Variants in DNAH3 observed in about 807,000 individuals in gnomAD.
The protein encoded by DNAH3 is axonemal beta dynein heavy chain 3.
DNAH3 carries 332 observed loss-of-function variants against 432.5 expected under a neutral mutation model. That is an observed-to-expected ratio of 0.77 (90% CI 0.70 to 0.84). DNAH3 has a LOEUF of 0.84. Among genes scored for constraint, DNAH3 ranks in the 40% least tolerant of loss-of-function variants. The pLI, the probability that DNAH3 is intolerant of heterozygous loss-of-function variation, is 0.00. For missense variants in DNAH3, 4,861 were observed against 5,114.0 expected, an observed-to-expected ratio of 0.95 and a Z score of 1.51; for synonymous variants, 1,956 against 1,900.2, an observed-to-expected ratio of 1.03 and a Z score of -0.76.
chr16:21,134,100 G>T, intron 7 of DNAH3, 159 bp downstream of exon 8: 1 of 666,282 alleles, frequency 1.5e-6, no homozygotes, highest in Non-Finnish European at 2.5e-6. Flanking sequence ...GCAAGGAAAG[G>T]TGTCACTTAT....
chr16:21,092,738 A>T (rs1247418162), intron 18 of DNAH3, among the ~76,000 whole-genome samples: 1 of 146,090 alleles, frequency 6.8e-6, no homozygotes, highest in Non-Finnish European at 1.5e-5. Context: ...CTGATAAATG[A>T]CTATTATCTA....
At chr16:21,131,504 A>AGAGAAGGAAG (rs1567846329) in intron 7 of DNAH3, among the ~76,000 whole-genome samples, 1 of 139,180 alleles carries the variant, frequency 7.2e-6, no homozygotes, top group African/African-American at 2.8e-5. Flanking sequence ...GAGATGAGAG[A>AGAGAAGGAAG]GAAGGAAGGA....
intron 19 of DNAH3, among the ~76,000 whole-genome samples, chr16:21,086,224 T>C (rs1203556204): frequency 6.6e-6 from 1 of 152,226 alleles, no homozygotes. Context: ...CACAGTGAGT[T>C]TTCTTTTTTC....
At chr16:21,151,772 T>G (rs2092855428) in intron 1 of DNAH3, among the ~76,000 whole-genome samples, 1 of 152,196 alleles carries the variant, frequency 6.6e-6, no homozygotes, top group South Asian at 2.1e-4. Flanking sequence ...CAATATTAGC[T>G]GCCGCCCGAA....
At chr16:21,077,887 G>T (rs545251067) in intron 20 of DNAH3, among the ~76,000 whole-genome samples, 7 of 152,170 alleles carry the variant, frequency 4.6e-5, no homozygotes, top group African/African-American at 1.7e-4. Context: ...CCTGGAACTG[G>T]GTATTGACAC....
chr16:21,024,320 T>C (rs750785860), intron 39 of DNAH3, among the ~76,000 whole-genome samples: 3 of 152,000 alleles, frequency 2.0e-5, no homozygotes, highest in Non-Finnish European at 4.4e-5. Flanking sequence ...CAGAGAACAT[T>C]CCTCAGCACT....
chr16:21,111,401 C>T (rs977106274), intron 14 of DNAH3, among the ~76,000 whole-genome samples: 1 of 152,154 alleles, frequency 6.6e-6, no homozygotes, highest in Admixed American at 6.5e-5. Flanking sequence ...AGACAAACTG[C>T]TAACAAATGC....
chr16:20,957,100 C>T (rs1252446301), intron 54 of DNAH3, among the ~76,000 whole-genome samples: 2 of 152,200 alleles, frequency 1.3e-5, no homozygotes, highest in Non-Finnish European at 2.9e-5. Context: ...GACAAATCAA[C>T]TGTGGCCTAA....
exon 14 of DNAH3, chr16:21,111,667 C>T: frequency 6.2e-7 from 1 of 1,613,820 alleles, no homozygotes; most frequent in Middle Eastern, 1.7e-4. Flanking sequence ...GGAATTGAAT[C>T]AGATGGTCTT....
chr16:21,124,938 T>C (rs2092416959), intron 9 of DNAH3, among the ~76,000 whole-genome samples: 1 of 151,682 alleles, frequency 6.6e-6, no homozygotes, highest in Admixed American at 6.6e-5. Flanking sequence ...ACGTGGCCTG[T>C]AATGCACCCG....
chr16:21,132,166 C>T (rs555932196), intron 7 of DNAH3, among the ~76,000 whole-genome samples: 4 of 152,210 alleles, frequency 2.6e-5, no homozygotes, highest in Non-Finnish European at 5.9e-5. Flanking sequence ...TGACTTCACC[C>T]CCTCAATTCC....
At chr16:21,077,303 C>T (rs1386053480) in intron 20 of DNAH3, among the ~76,000 whole-genome samples, 1 of 152,066 alleles carries the variant, frequency 6.6e-6, no homozygotes, top group Non-Finnish European at 1.5e-5. Context: ...GCTGGGATTA[C>T]AGGTGCCCTC....
intron 44 of DNAH3, among the ~76,000 whole-genome samples, chr16:20,989,038 T>C (rs1008355505): frequency 1.3e-5 from 2 of 152,060 alleles, no homozygotes; most frequent in Non-Finnish European, 2.9e-5. Context: ...ACCCACAGAG[T>C]GAGCACCAGT....
At chr16:21,083,750 T>C (rs1474171126) in intron 19 of DNAH3, among the ~76,000 whole-genome samples, 1 of 152,080 alleles carries the variant, frequency 6.6e-6, no homozygotes, top group Non-Finnish European at 1.5e-5. Context: ...TCTCCTAAGT[T>C]AGGCATCAGG....
chr16:21,051,954 A>G, intron 28 of DNAH3, 86 bp from the exon 29 acceptor site: 1 of 1,080,894 alleles, frequency 9.3e-7, no homozygotes, highest in Non-Finnish European at 1.4e-6. Flanking sequence ...AGTGGATGTT[A>G]TCAAGGTCCC....
At chr16:21,089,265 A>G (rs1597354492) in intron 18 of DNAH3, among the ~76,000 whole-genome samples, 1 of 152,260 alleles carries the variant, frequency 6.6e-6, no homozygotes, top group South Asian at 2.1e-4. Context: ...TGGAAGCGAC[A>G]CTCACTAGGA....
chr16:21,075,485 C>G, exon 21 of DNAH3: 1 of 1,614,084 alleles, frequency 6.2e-7, no homozygotes, highest in Non-Finnish European at 8.5e-7. Flanking sequence ...GTCACGTTAA[C>G]CCAATCCAAC....
intron 11 of DNAH3, 30 bp from the exon 12 acceptor site, chr16:21,117,369 G>A (rs2152808694): frequency 7.8e-7 from 1 of 1,285,912 alleles, no homozygotes; most frequent in Non-Finnish European, 1.1e-6. Flanking sequence ...TTTGCATGTT[G>A]CAAGACTTAA....
At chr16:20,998,736 C>T (rs1322306106) in intron 43 of DNAH3, among the ~76,000 whole-genome samples, 13 of 118,556 alleles carry the variant, frequency 1.1e-4, no homozygotes, top group African/African-American at 4.0e-4. Flanking sequence ...AGCAAGACTC[C>T]GTCTCAAAAA....
Sources: allele counts gnomAD v4.1 joint callset (sites outside exome capture counted in the v4.1 genomes callset), GRCh38; gene constraint gnomAD v4.1.1; transcripts MANE v1.5; gene names NCBI Gene and HGNC (gene_info 2026-07-23, HGNC 2026-07-21).